Variants in NRG1 observed in about 807,000 individuals in gnomAD.
NRG1 encodes the protein pro-neuregulin-1, membrane-bound isoform.
NRG1 carries 18 observed loss-of-function variants against 63.8 expected under a neutral mutation model. The ratio of observed to expected loss-of-function variants is 0.28; its 90% CI spans 0.19 to 0.42. The LOEUF is 0.42. Among genes scored for constraint, NRG1 ranks in the 10% least tolerant of loss-of-function variants. The probability of loss-of-function intolerance (pLI) is 1.00; values close to 1 mark genes in which losing one functional copy is unlikely to be tolerated. For missense variants in NRG1, 762 were observed against 814.7 expected (o/e 0.94, Z 0.79); for synonymous variants, 302 against 301.3 (o/e 1.00, Z -0.02).
intron 1 of NRG1, among the ~76,000 whole-genome samples, chr8:32,224,885 A>G (rs111367737): frequency 2.2e-4 from 34 of 152,344 alleles, no homozygotes; most frequent in African/African-American, 7.5e-4. Flanking sequence ...CATATATATT[A>G]AAGATTTTCA....
chr8:31,918,223 A>G (rs541876586), intron 1 of NRG1, among the ~76,000 whole-genome samples: 8 of 152,340 alleles, frequency 5.3e-5, no homozygotes, highest in African/African-American at 9.6e-5. Flanking sequence ...CCCTAGCCAG[A>G]ACTTCCAACA....
At chr8:32,135,378 A>T (rs1185107118) in intron 1 of NRG1, among the ~76,000 whole-genome samples, 1 of 152,140 alleles carries the variant, frequency 6.6e-6, no homozygotes, top group Non-Finnish European at 1.5e-5. Context: ...TTATTATAGG[A>T]GTCCTTGTGG....
chr8:32,404,475 A>G (rs1813676256), intron 1 of NRG1, among the ~76,000 whole-genome samples: 1 of 151,898 alleles, frequency 6.6e-6, no homozygotes, highest in East Asian at 1.9e-4. Flanking sequence ...TATATGAGGG[A>G]ACCTGCTGCT....
At chr8:32,640,559 T>G (rs1280271169) in intron 5 of NRG1, among the ~76,000 whole-genome samples, 1 of 148,316 alleles carries the variant, frequency 6.7e-6, no homozygotes, top group East Asian at 2.1e-4. Flanking sequence ...AGACTGCCAT[T>G]TGCCCCTCAT....
At chr8:32,579,219 G>GTTTT (rs1840216175) in intron 1 of NRG1, among the ~76,000 whole-genome samples, 2 of 108,834 alleles carry the variant, frequency 1.8e-5, no homozygotes, top group Admixed American at 9.5e-5. Context: ...TTTTTTTTTG[G>GTTTT]ATACTATTGC....
rs539454963 is a variant in NRG1 at position 32,238,171 on chromosome 8, T to A, written c.38-357657T>A. Among the ~76,000 whole-genome samples the A allele has an allele frequency of 3.3e-5, 5 of 152,114 alleles. No homozygotes were observed. The East Asian group carries it at 5.8e-4, about 18-fold the overall frequency. ...TGCTTGCTCAAAAATTAAAAAATCC[T>A]TTAGGAGGGGGCCAGGCGTGGTGGC... On this transcript the variant is annotated intron_variant, in intron 1 of 10. Coordinates refer to the NRG1 transcript ENST00000519301.
intron 7 of NRG1, among the ~76,000 whole-genome samples, chr8:32,743,573 C>CATATATATATAAATATATAT (rs1826841111): frequency 1.8e-5 from 2 of 113,714 alleles, no homozygotes; most frequent in Admixed American, 9.9e-5. Flanking sequence ...TAAGGCAAAA[C>CATATATATATAAATATATAT]ATATATATAT....
At chr8:31,818,139 T>C (rs1250423959) in intron 1 of NRG1, among the ~76,000 whole-genome samples, 1 of 152,160 alleles carries the variant, frequency 6.6e-6, no homozygotes, top group Non-Finnish European at 1.5e-5. Flanking sequence ...AAGATAAGGA[T>C]GCATAAATAT....
At chr8:32,549,918 C>A (rs1007331578) in intron 1 of NRG1, among the ~76,000 whole-genome samples, 3 of 152,172 alleles carry the variant, frequency 2.0e-5, no homozygotes, top group African/African-American at 7.2e-5. Flanking sequence ...TTCGAGCGTA[C>A]CCCCAACACA....
chr8:32,338,375 A>G (rs972037283), intron 1 of NRG1, among the ~76,000 whole-genome samples: 6 of 152,162 alleles, frequency 3.9e-5, no homozygotes, highest in African/African-American at 1.4e-4. Context: ...ATTCTGGTTG[A>G]CATGGGTTGC....
At chr8:31,708,198 T>A (rs1811343744) in intron 1 of NRG1, among the ~76,000 whole-genome samples, 1 of 152,204 alleles carries the variant, frequency 6.6e-6, no homozygotes, top group Admixed American at 6.5e-5. Context: ...GCCCATGTTC[T>A]TGCCATTGTA....
At chr8:32,261,358 A>T (rs1431414976) in intron 1 of NRG1, among the ~76,000 whole-genome samples, 2 of 148,264 alleles carry the variant, frequency 1.3e-5, no homozygotes, top group East Asian at 2.0e-4. Context: ...TGCTCCTATT[A>T]GTGTGTGTGT....
chr8:31,642,999 T>TGTGTGTGA (rs1554494576), intron 1 of NRG1, among the ~76,000 whole-genome samples: 3 of 144,626 alleles, frequency 2.1e-5, no homozygotes, highest in African/African-American at 7.7e-5. Flanking sequence ...TGTGTGTGTG[T>TGTGTGTGA]GAGAGAGAGA....
exon 12 of NRG1, chr8:32,764,135 C>T (rs1384712908): frequency 8.1e-6 from 13 of 1,613,986 alleles, no homozygotes; most frequent in Non-Finnish European, 1.1e-5. Flanking sequence ...GAACCAAGCC[C>T]AATGGCCACA....
Position 31,775,797 on chromosome 8 carries a change from G to A in NRG1, c.37+136366G>A, listed in dbSNP as rs183949603. Reference sequence around the variant, plus strand: ...ACTCGGGAGGCTGAGGCAGGAGAATGGTGTGAACCCAGGAGGTGGAGCTTG... The same window carrying A: ...ACTCGGGAGGCTGAGGCAGGAGAATAGTGTGAACCCAGGAGGTGGAGCTTG... On this transcript the variant is annotated intron_variant, in intron 1 of 10. Transcript: ENST00000519301. Among the ~76,000 whole-genome samples the A allele has an allele frequency of 3.3e-4, 48 of 146,488 alleles. 1 individual carries two copies. Among genetic ancestry groups the A allele is most frequent in the African/African-American group, 1.2e-3 (47 of 39,694 alleles).
At chr8:32,729,410 C>T (rs1247964592) in intron 6 of NRG1, among the ~76,000 whole-genome samples, 1 of 152,124 alleles carries the variant, frequency 6.6e-6, no homozygotes, top group Non-Finnish European at 1.5e-5. Flanking sequence ...TAATGTAGAA[C>T]ATCTAATAAA....
At chr8:32,256,915 A>G (rs1230558585) in intron 1 of NRG1, among the ~76,000 whole-genome samples, 2 of 152,122 alleles carry the variant, frequency 1.3e-5, no homozygotes, top group Admixed American at 1.3e-4. Flanking sequence ...GCTCTGTTCC[A>G]GGGAGATGGG....
intron 5 of NRG1, among the ~76,000 whole-genome samples, chr8:32,672,738 G>C (rs16879735): frequency 0.11 from 16,608 of 150,180 alleles, 1,038 homozygotes; most frequent in African/African-American, 0.17. Flanking sequence ...TTACAGCACT[G>C]TTCTTCTGTT....
intron 1 of NRG1, among the ~76,000 whole-genome samples, chr8:32,518,493 C>T (rs114333129): frequency 2.6e-5 from 4 of 152,192 alleles, no homozygotes; most frequent in Non-Finnish European, 4.4e-5. Flanking sequence ...TGGAGTTCCC[C>T]ATTCCTGCTG....
Sources: gnomAD v4.1 joint callset for allele counts (sites outside exome capture counted in the v4.1 genomes callset) on GRCh38, gnomAD v4.1.1 for gene constraint, MANE v1.5 for transcripts, NCBI Gene and HGNC (gene_info 2026-07-23, HGNC 2026-07-21) for gene names.